LRRC7: variants seen among roughly 807,000 people sequenced by gnomAD.
The protein encoded by LRRC7 is leucine rich repeat containing 7, also known as leucine-rich repeat-containing protein 7.
Under a neutral mutation model 175.7 loss-of-function variants are expected in LRRC7, and 23 were observed. The ratio of observed to expected loss-of-function variants is 0.13; its 90% CI spans 0.09 to 0.19. LRRC7 has a LOEUF of 0.19. Ranked by LOEUF, LRRC7 falls within the 10% of genes least tolerant of loss-of-function variation. LRRC7 has a pLI of 1.00. For missense variants in LRRC7, 1,354 were observed against 1,904.7 expected (o/e 0.71, Z 5.38); for synonymous variants, 685 against 680.9 (o/e 1.01, Z -0.09).
chr1:70,096,336 T>A (rs1427458037), intron 25 of LRRC7, among the ~76,000 whole-genome samples: 1 of 152,216 alleles, frequency 6.6e-6, no homozygotes, highest in Non-Finnish European at 1.5e-5. Flanking sequence ...TTACATAGTC[T>A]AAGTATCTGA....
At chr1:70,078,415 GT>G (rs976766935) in intron 24 of LRRC7, among the ~76,000 whole-genome samples, 1 of 152,076 alleles carries the variant, frequency 6.6e-6, no homozygotes, top group Non-Finnish European at 1.5e-5. Flanking sequence ...ATATTAATAG[GT>G]TGAAGTTGTG....
chr1:69,854,096 A>G (rs1374452070), intron 7 of LRRC7, among the ~76,000 whole-genome samples: 1 of 152,180 alleles, frequency 6.6e-6, no homozygotes, highest in Non-Finnish European at 1.5e-5. Context: ...AGGATAATTA[A>G]CTTCTCTAAA....
At chr1:69,909,550 G>T (rs903391937) in intron 7 of LRRC7, among the ~76,000 whole-genome samples, 3 of 152,092 alleles carry the variant, frequency 2.0e-5, no homozygotes, top group Non-Finnish European at 4.4e-5. Context: ...GGCTGGATAT[G>T]AAATTCTGGG....
At chr1:69,906,597 C>G (rs142559304) in intron 7 of LRRC7, among the ~76,000 whole-genome samples, 6 of 152,136 alleles carry the variant, frequency 3.9e-5, no homozygotes, top group East Asian at 1.9e-4. Flanking sequence ...TCTGAGGGCT[C>G]TGTTCTGTTC....
At chr1:69,754,794 C>A (rs1161881135) in intron 2 of LRRC7, among the ~76,000 whole-genome samples, 1 of 151,652 alleles carries the variant, frequency 6.6e-6, no homozygotes, top group Non-Finnish European at 1.5e-5. Context: ...TGTGAGATGC[C>A]TATAAAACAT....
rs2102293002 is a variant in LRRC7 at position 70,142,420 on chromosome 1, G to C, written c.*20533G>C. 6.6e-6 allele frequency: 1 copy of C among 152,148 alleles called. No individual in the cohort carries two copies. The highest frequency in any genetic ancestry group is 3.4e-3 in the Middle Eastern group (1 of 294). The allele number at this position is 152,148 out of a possible 1,614,324, so 9.4% of individuals were successfully genotyped here. A position where few individuals can be genotyped will look rare whatever the true frequency, so the allele number is the denominator to read the frequency against. On this transcript the variant is annotated 3_prime_UTR_variant, in exon 27 of 27. Transcript: ENST00000651989. Reference sequence around the variant, plus strand: ...TACACTTTCATCCTTGAAAACACAAGCCTATTTTCTGTTTGAAATGAAGAG... The same window carrying C: ...TACACTTTCATCCTTGAAAACACAACCCTATTTTCTGTTTGAAATGAAGAG...
chr1:69,781,723 GAAAGAAAGAA>G lies in LRRC7; in HGVS notation c.304-10318_304-10309del, dbSNP rs1204604084. On this transcript the variant is annotated intron_variant, in intron 3 of 26. Transcript: ENST00000651989. Reference sequence around the variant, plus strand: ...AGAAAGAAAGAAAGAAAGAAAGAAAGAAAGAAAGAAAGAGAGAGAGAGAGAGAGAGAGAGA... The same window carrying G: ...AGAAAGAAAGAAAGAAAGAAAGAAAGAGAGAGAGAGAGAGAGAGAGAGAGA... 3.4e-3 allele frequency among the ~76,000 whole-genome samples: 104 copies of G among 30,646 alleles called. 5 individuals carry two copies. The highest frequency in any genetic ancestry group is 4.8e-3 in the Non-Finnish European group (85 of 17,704). The allele number at this position is 30,646 out of a possible 152,430, so 20.1% of individuals were successfully genotyped here. A position where few individuals can be genotyped will look rare whatever the true frequency, so the allele number is the denominator to read the frequency against.
intron 1 of LRRC7, among the ~76,000 whole-genome samples, chr1:69,589,588 A>T (rs1238768822): frequency 6.6e-6 from 1 of 152,180 alleles, no homozygotes; most frequent in Middle Eastern, 3.4e-3. Context: ...CCAGGGTTGT[A>T]TTTTGGGAAG....
chr1:70,112,878 G>A (rs1665613859), intron 26 of LRRC7, among the ~76,000 whole-genome samples: 1 of 152,186 alleles, frequency 6.6e-6, no homozygotes, highest in Admixed American at 6.5e-5. Context: ...GTTTATGCTA[G>A]AAAGGGTGAA....
chr1:69,806,719 A>G (rs1260888610), intron 4 of LRRC7, among the ~76,000 whole-genome samples: 1 of 151,968 alleles, frequency 6.6e-6, no homozygotes, highest in East Asian at 1.9e-4. Context: ...GAAATTTAAT[A>G]TATCTGTGTT....
intron 8 of LRRC7, among the ~76,000 whole-genome samples, chr1:69,937,482 T>G (rs556343913): frequency 5.1e-4 from 78 of 152,228 alleles, no homozygotes; most frequent in Non-Finnish European, 1.1e-3. Flanking sequence ...TTTGCATTTC[T>G]GAAATACATA....
At chr1:69,838,762 G>A (rs893546818) in intron 7 of LRRC7, among the ~76,000 whole-genome samples, 29 of 151,736 alleles carry the variant, frequency 1.9e-4, no homozygotes, top group African/African-American at 6.8e-4. Context: ...ATATATTCTT[G>A]CAAATTGTTC....
chr1:70,104,236 T>G (rs1664996140), intron 25 of LRRC7, among the ~76,000 whole-genome samples: 1 of 152,200 alleles, frequency 6.6e-6, no homozygotes, highest in African/African-American at 2.4e-5. Flanking sequence ...CTTTAAAATC[T>G]CAGGATAAAA....
chr1:69,673,686 A>G (rs948313591), intron 1 of LRRC7, among the ~76,000 whole-genome samples: 1 of 152,232 alleles, frequency 6.6e-6, no homozygotes, highest in East Asian at 1.9e-4. Flanking sequence ...AATAATTTAG[A>G]CACAAACATT....
At chr1:69,868,196 T>G (rs1384906705) in intron 7 of LRRC7, among the ~76,000 whole-genome samples, 1 of 152,126 alleles carries the variant, frequency 6.6e-6, no homozygotes, top group East Asian at 1.9e-4. Flanking sequence ...AAGATAATAT[T>G]AAATCAAATT....
At position 70,133,289 on chromosome 1, in the gene LRRC7, C is replaced by T. The variant is rs1666748024; in HGVS notation, c.*11402C>T. On this transcript the variant is annotated 3_prime_UTR_variant, in exon 27 of 27. Coordinates refer to ENST00000651989, the MANE Select transcript of LRRC7 (RefSeq NM_001370785.2). ...AGGCTGGAGTGCAGTGGCGCGATCTCGGCTCACTGCAACCTCCACCTCCTG... is the reference window on the plus strand; with the variant it reads ...AGGCTGGAGTGCAGTGGCGCGATCTTGGCTCACTGCAACCTCCACCTCCTG... Among the ~76,000 whole-genome samples the T allele has an allele frequency of 6.6e-6, 1 of 152,024 alleles. No individual in the cohort carries two copies. Among genetic ancestry groups the T allele is most frequent in the Non-Finnish European group, 1.5e-5 (1 of 68,010 alleles).
chr1:69,951,276 G>A (rs1440953742), intron 8 of LRRC7, among the ~76,000 whole-genome samples: 1 of 151,872 alleles, frequency 6.6e-6, no homozygotes, highest in Non-Finnish European at 1.5e-5. Flanking sequence ...TTACTAAAAA[G>A]TCAAAAAATA....
At chr1:69,607,475 C>T (rs906627016) in intron 1 of LRRC7, 5 of 151,856 alleles carry the variant, frequency 3.3e-5, no homozygotes, top group African/African-American at 1.2e-4. Context: ...CCCTTTATAC[C>T]TTGATATACA....
intron 8 of LRRC7, among the ~76,000 whole-genome samples, chr1:69,944,359 T>C (rs1332744304): frequency 6.6e-6 from 1 of 152,138 alleles, no homozygotes; most frequent in Non-Finnish European, 1.5e-5. Flanking sequence ...TACTCATCAG[T>C]TGATCCACTC....
Sources: gnomAD v4.1 joint callset for allele counts (sites outside exome capture counted in the v4.1 genomes callset) on GRCh38, gnomAD v4.1.1 for gene constraint, MANE v1.5 for transcripts, NCBI Gene and HGNC (gene_info 2026-07-23, HGNC 2026-07-21) for gene names.